Variants in CAMTA1 observed in about 807,000 individuals in gnomAD.
CAMTA1 encodes the protein calmodulin-binding transcription activator 1.
Under a neutral mutation model 170.9 loss-of-function variants are expected in CAMTA1, and 27 were observed. That is an observed-to-expected ratio of 0.16 (90% CI 0.12 to 0.22). The LOEUF is 0.22. CAMTA1 is among the 10% of genes least tolerant of loss of function. The pLI is 1.00. For missense variants in CAMTA1, 1,619 were observed against 2,217.2 expected (o/e 0.73, Z 5.42); for synonymous variants, 833 against 891.5 (o/e 0.93, Z 1.17).
intron 4 of CAMTA1, among the ~76,000 whole-genome samples, chr1:7,108,188 C>G (rs1028323303): frequency 6.6e-6 from 1 of 152,034 alleles, no homozygotes; most frequent in African/African-American, 2.4e-5. Flanking sequence ...TAATTCCTAC[C>G]GAAGCGCTTG....
chr1:7,440,236 C>T (rs1005966189), intron 5 of CAMTA1, among the ~76,000 whole-genome samples: 1 of 152,254 alleles, frequency 6.6e-6, no homozygotes, highest in Non-Finnish European at 1.5e-5. Context: ...GCATGGGAGC[C>T]GATGCGGCTT....
At chr1:7,513,658 C>G (rs548866097) in intron 6 of CAMTA1, among the ~76,000 whole-genome samples, 1 of 152,188 alleles carries the variant, frequency 6.6e-6, no homozygotes, top group African/African-American at 2.4e-5. Flanking sequence ...CGTGGTGGCT[C>G]ACACCTGTAA....
intron 4 of CAMTA1, among the ~76,000 whole-genome samples, chr1:7,203,932 T>C (rs10746467): frequency 0.66 from 98,519 of 150,000 alleles, 33,297 homozygotes; most frequent in African/African-American, 0.82. Context: ...CCCGGGTTCA[T>C]GCCATTCTCC....
intron 5 of CAMTA1, among the ~76,000 whole-genome samples, chr1:7,405,428 T>C (rs2090216162): frequency 6.6e-6 from 1 of 152,180 alleles, no homozygotes; most frequent in African/African-American, 2.4e-5. Flanking sequence ...TGGAGTGCAG[T>C]AGCACGATCA....
chr1:7,096,625 C>G (rs1642108333), intron 4 of CAMTA1, among the ~76,000 whole-genome samples: 1 of 152,182 alleles, frequency 6.6e-6, no homozygotes, highest in Non-Finnish European at 1.5e-5. Context: ...TCTCCTTTGT[C>G]CCCTGCATCT....
At chr1:7,453,477 A>G (rs2092877562) in intron 5 of CAMTA1, among the ~76,000 whole-genome samples, 1 of 152,196 alleles carries the variant, frequency 6.6e-6, no homozygotes, top group Admixed American at 6.5e-5. Flanking sequence ...AGGCCTTTCC[A>G]CAGAGAAGGC....
chr1:7,668,310 G>A (rs1241403904), intron 9 of CAMTA1, among the ~76,000 whole-genome samples: 3 of 151,674 alleles, frequency 2.0e-5, no homozygotes, highest in African/African-American at 7.3e-5. Context: ...TCTTCTCTGA[G>A]TGGCCCTCCC....
Position 7,532,507 on chromosome 1 carries a change from G to C in CAMTA1, c.510+64606G>C, listed in dbSNP as rs1183504440. Among the ~76,000 whole-genome samples the C allele has an allele frequency of 6.6e-6, 1 of 152,000 alleles. No homozygotes were observed. The highest frequency in any genetic ancestry group is 1.5e-5 in the Non-Finnish European group (1 of 68,018). On this transcript the variant is annotated intron_variant, in intron 6 of 22. Coordinates refer to ENST00000303635, the MANE Select transcript of CAMTA1 (RefSeq NM_015215.4). This position sits in a 1 kb window ranked among gnomAD's most constrained non-coding sequence, Gnocchi z 4.2. ...TTAGGGACGGGGCTCTTACCATGTT[G>C]CCCAGGTTGGTCTTGAACTCCTGGG...
At chr1:7,096,828 A>G (rs905002874) in intron 4 of CAMTA1, among the ~76,000 whole-genome samples, 6 of 152,040 alleles carry the variant, frequency 3.9e-5, no homozygotes, top group African/African-American at 1.4e-4. Context: ...CTTTGATTCC[A>G]TCGTTATTCT....
chr1:7,441,642 T>A (rs981691024), intron 5 of CAMTA1: 7 of 152,118 alleles, frequency 4.6e-5, no homozygotes, highest in African/African-American at 1.7e-4. Context: ...ATGGCAGAAT[T>A]TGCATGGGCT....
At chr1:7,712,323 A>C (rs190430552) in intron 11 of CAMTA1, among the ~76,000 whole-genome samples, 1 of 151,300 alleles carries the variant, frequency 6.6e-6, no homozygotes, top group Non-Finnish European at 1.5e-5. Flanking sequence ...CATTATAATT[A>C]CTATTTTTTT....
chr1:6,998,458 C>T (rs1030862051), intron 3 of CAMTA1, among the ~76,000 whole-genome samples: 2 of 152,226 alleles, frequency 1.3e-5, no homozygotes, highest in African/African-American at 4.8e-5. Flanking sequence ...CTCTGCGTCA[C>T]ATGTCCCTCT....
At chr1:7,317,257 A>G (rs1174760323) in intron 5 of CAMTA1, among the ~76,000 whole-genome samples, 2 of 152,174 alleles carry the variant, frequency 1.3e-5, no homozygotes, top group Non-Finnish European at 2.9e-5. Context: ...CCTGACTCTG[A>G]TCTTCCCCAT....
intron 3 of CAMTA1, among the ~76,000 whole-genome samples, chr1:6,900,252 G>A (rs1199604419): frequency 6.6e-6 from 1 of 151,524 alleles, no homozygotes; most frequent in African/African-American, 2.4e-5. Flanking sequence ...TGTGTGGAAG[G>A]GATAACTTTG....
intron 5 of CAMTA1, among the ~76,000 whole-genome samples, chr1:7,436,861 G>C (rs914794300): frequency 2.0e-5 from 3 of 152,132 alleles, no homozygotes; most frequent in African/African-American, 7.2e-5. Context: ...CTGCAATCTG[G>C]GTGTGGGATG....
At chr1:7,706,645 GA>G (rs1185059158) in intron 11 of CAMTA1, among the ~76,000 whole-genome samples, 1 of 152,106 alleles carries the variant, frequency 6.6e-6, no homozygotes, top group Non-Finnish European at 1.5e-5. Flanking sequence ...TAATGTCCAA[GA>G]AAATAGCATT....
At chr1:7,030,411 A>G (rs1702623389) in intron 3 of CAMTA1, among the ~76,000 whole-genome samples, 1 of 152,192 alleles carries the variant, frequency 6.6e-6, no homozygotes, top group South Asian at 2.1e-4. Flanking sequence ...CCCCCACCCC[A>G]AAATGGCTTT....
chr1:7,227,556 C>T (rs1020531887), intron 4 of CAMTA1, among the ~76,000 whole-genome samples: 4 of 151,898 alleles, frequency 2.6e-5, no homozygotes, highest in Non-Finnish European at 5.9e-5. Flanking sequence ...CTCGAACTCC[C>T]AACCTCAGGT....
At chr1:7,148,322 C>G (rs563760826) in intron 4 of CAMTA1, among the ~76,000 whole-genome samples, 1 of 151,120 alleles carries the variant, frequency 6.6e-6, no homozygotes, top group African/African-American at 2.4e-5. Flanking sequence ...TGTATGCCCC[C>G]CACACACACA....
Sources: allele counts gnomAD v4.1 joint callset (sites outside exome capture counted in the v4.1 genomes callset), GRCh38; gene constraint gnomAD v4.1.1; non-coding constraint Gnocchi (gnomAD v3.1); transcripts MANE v1.5; gene names NCBI Gene and HGNC (gene_info 2026-07-23, HGNC 2026-07-21).